Variants in GPR55 observed in about 807,000 individuals in gnomAD.
The protein encoded by GPR55 is G protein-coupled receptor 55, also known as G-protein coupled receptor 55.
In GPR55, 6 loss-of-function variants were observed where a neutral mutation model predicts 7.9. The observed-to-expected ratio is 0.76, with a 90% CI of 0.41 to 1.49. The LOEUF (loss-of-function observed/expected upper bound fraction) is 1.49. Ranked by LOEUF, GPR55 falls within the 40% of genes most tolerant of loss-of-function variation. The pLI is 0.01. For synonymous variants in GPR55, 183 were observed against 166.8 expected (o/e 1.10, Z -0.75); for missense variants, 376 against 406.0 (o/e 0.93, Z 0.63).
chr2:230,928,203 C>T (rs992879721), upstream of GPR55, among the ~76,000 whole-genome samples: 11 of 152,262 alleles, frequency 7.2e-5, no homozygotes, highest in Middle Eastern at 0.01. Context: ...ACACGCTTGG[C>T]ACAGGGGCAG....
intron 1 of GPR55, among the ~76,000 whole-genome samples, chr2:230,951,427 C>A (rs1428266554): frequency 6.6e-6 from 1 of 152,122 alleles, no homozygotes; most frequent in East Asian, 1.9e-4. Context: ...AAAATATACA[C>A]ACGTAATCAA....
intron 1 of GPR55, among the ~76,000 whole-genome samples, chr2:230,950,817 G>A (rs7573636): frequency 0.067 from 10,080 of 150,994 alleles, 1,004 homozygotes; most frequent in African/African-American, 0.22. Context: ...ATCTTCCCCC[G>A]CCTTTCTGAT....
At position 230,944,092 on chromosome 2, in the gene GPR55, C is replaced by T. The variant is rs1691276116; in HGVS notation, c.-135+16683G>A. Among the ~76,000 whole-genome samples the T allele has an allele frequency of 6.6e-6, 1 of 152,206 alleles. No homozygotes were observed. The highest frequency in any genetic ancestry group is 1.5e-5 in the Non-Finnish European group (1 of 68,032). ...CAGCAAGAGTAGTGAAGTGAGAAGC[C>T]TCTCCATGAAGATGCCTTCTGCCAT... On this transcript the variant is annotated intron_variant, in intron 1 of 1. Transcript: ENST00000392039. This position sits in a 1 kb window ranked among gnomAD's most constrained non-coding sequence, Gnocchi z 4.2.
intron 1 of GPR55, among the ~76,000 whole-genome samples, chr2:230,956,842 A>G (rs2125072122): frequency 6.6e-6 from 1 of 152,128 alleles, no homozygotes; most frequent in East Asian, 1.9e-4. Flanking sequence ...CATGACGTTG[A>G]CATTCTTGGA....
At chr2:230,935,034 A>T (rs1469480874) in intron 1 of GPR55, among the ~76,000 whole-genome samples, 1 of 151,970 alleles carries the variant, frequency 6.6e-6, no homozygotes, top group Non-Finnish European at 1.5e-5. Context: ...AGTGACACAC[A>T]GGCCCCTTCA....
chr2:230,910,701 A>T lies in GPR55; in HGVS notation c.262T>A (p.Ser88Thr), dbSNP rs202071718. The change falls in exon 2 of 2, where the codon TCC (serine) becomes ACC (threonine). Residue 88 changes from serine (S) to threonine (T), a missense_variant. Ser to Thr is a moderately conservative substitution (Grantham distance 58, BLOSUM62 1). Coordinates refer to ENST00000650999, the MANE Select transcript of GPR55 (RefSeq NM_005683.4). The surrounding 1 kb of genome is among the most constrained non-coding windows in gnomAD (Gnocchi z 5.4). ...PFKMVLSQVQ[S>T]PFPSLCTLVE... ...AGGGTGCACAGGGACGGGAAGGGGG[A>T]CTGTACCTGGGACAGGACCATCTTG... The T allele has an allele frequency of 3.0e-5, 48 of 1,613,242 alleles. No individual in the cohort carries two copies. The Admixed American group carries it at 3.0e-4, about 10-fold the overall frequency.
At chr2:230,942,993 T>C (rs376427089) in intron 1 of GPR55, among the ~76,000 whole-genome samples, 1 of 150,962 alleles carries the variant, frequency 6.6e-6, no homozygotes, top group Non-Finnish European at 1.5e-5. Context: ...GGATTTGTCC[T>C]TGTGACCTGA....
chr2:230,954,155 C>T (rs866253679), intron 1 of GPR55, among the ~76,000 whole-genome samples: 9 of 152,374 alleles, frequency 5.9e-5, no homozygotes, highest in South Asian at 2.1e-4. Context: ...TATGCAGCCC[C>T]GTAATCGTGC....
chr2:230,948,927 G>A (rs776492385), intron 1 of GPR55, among the ~76,000 whole-genome samples: 8 of 152,110 alleles, frequency 5.3e-5, no homozygotes, highest in Non-Finnish European at 1.0e-4. Context: ...AAAATAGTCC[G>A]GTTTGGTGGC....
intron 1 of GPR55, among the ~76,000 whole-genome samples, chr2:230,913,706 A>C (rs1488048186): frequency 5.3e-5 from 8 of 152,204 alleles, no homozygotes. Flanking sequence ...AAATGGCCAC[A>C]GGCCTAGCTC....
chr2:230,913,028 C>A (rs1256322756), intron 1 of GPR55, among the ~76,000 whole-genome samples: 1 of 152,146 alleles, frequency 6.6e-6, no homozygotes, highest in African/African-American at 2.4e-5. Context: ...AAATAATATA[C>A]CTAGAGCCCC....
intron 1 of GPR55, among the ~76,000 whole-genome samples, chr2:230,911,995 G>A (rs1173344908): frequency 6.6e-6 from 1 of 152,124 alleles, no homozygotes; most frequent in East Asian, 1.9e-4. Flanking sequence ...CCAGAACCAG[G>A]TTGCTAGAAG....
At chr2:230,934,141 G>T (rs987794246) in intron 1 of GPR55, among the ~76,000 whole-genome samples, 1 of 152,078 alleles carries the variant, frequency 6.6e-6, no homozygotes, top group Non-Finnish European at 1.5e-5. Context: ...TATATGGGCC[G>T]CTTATTTGGA....
intron 1 of GPR55, among the ~76,000 whole-genome samples, chr2:230,951,920 G>A (rs1039123910): frequency 1.5e-5 from 2 of 132,236 alleles, no homozygotes; most frequent in African/African-American, 6.4e-5. Flanking sequence ...CACCAGGCCC[G>A]GCTAATTTTT....
rs138930826 is a variant in GPR55 at position 230,950,452 on chromosome 2, T to C, written c.-135+10323A>G. Reference sequence around the variant, plus strand: ...TTCTCTTTCCCCTCTTTTTTGTTTTTCTCGTTTTGCTCTTCTTTCCCGCAC... The same window carrying C: ...TTCTCTTTCCCCTCTTTTTTGTTTTCCTCGTTTTGCTCTTCTTTCCCGCAC... On this transcript the variant is annotated intron_variant, in intron 1 of 1. Transcript: ENST00000392039. Among the ~76,000 whole-genome samples the C allele has an allele frequency of 9.1e-4, 138 of 152,308 alleles. 1 individual carries two copies. Among genetic ancestry groups the C allele is most frequent in the African/African-American group, 3.3e-3 (136 of 41,560 alleles).
chr2:230,910,509 C>CG lies in GPR55; in HGVS notation c.453dup (p.Gly152ArgfsTer23), dbSNP rs769247914. 2 of 1,613,952 alleles carry CG rather than the reference C, an allele frequency of 1.2e-6. No homozygotes were observed. The highest frequency in any genetic ancestry group is 1.7e-6 in the Non-Finnish European group (2 of 1,179,974). ...TGGAAACTGTAGATAGGGATGCTTC[C>CG]GGTCCACACCAGGACCCAGATGGTG... is the stretch of plus-strand genomic sequence containing the variant. On this transcript the variant is annotated frameshift_variant, in exon 2 of 2. Transcript: ENST00000650999. LOFTEE classifies it high-confidence loss of function. The surrounding 1 kb of genome is among the most constrained non-coding windows in gnomAD (Gnocchi z 5.4).
chr2:230,946,998 A>G (rs960670185), intron 1 of GPR55, among the ~76,000 whole-genome samples: 2 of 152,212 alleles, frequency 1.3e-5, no homozygotes, highest in African/African-American at 4.8e-5. Context: ...TTCATGCTGA[A>G]CTAACCCTAT....
intron 1 of GPR55, among the ~76,000 whole-genome samples, chr2:230,915,402 T>C (rs116307820): frequency 0.026 from 4,007 of 152,186 alleles, 177 homozygotes; most frequent in African/African-American, 0.09. Context: ...GATGGGTGGG[T>C]GCCTTCGCCT....
intron 1 of GPR55, among the ~76,000 whole-genome samples, chr2:230,956,448 A>G (rs1224090300): frequency 1.3e-5 from 2 of 152,236 alleles, no homozygotes; most frequent in African/African-American, 4.8e-5. Context: ...GATTATAGGC[A>G]TGAGCCACCA....
Sources: allele counts gnomAD v4.1 joint callset (sites outside exome capture counted in the v4.1 genomes callset), GRCh38; gene constraint gnomAD v4.1.1; non-coding constraint Gnocchi (gnomAD v3.1); transcripts MANE v1.5; gene names NCBI Gene and HGNC (gene_info 2026-07-23, HGNC 2026-07-21).